Variants in RRP1 observed in about 807,000 individuals in gnomAD.
RRP1 encodes the protein ribosomal RNA processing 1, also known as ribosomal RNA processing protein 1 homolog A.
In RRP1, 37 loss-of-function variants were observed where a neutral mutation model predicts 54.6. That is an observed-to-expected ratio of 0.68 (90% CI 0.52 to 0.89). RRP1 has a LOEUF of 0.89. RRP1 is among the 40% of genes least tolerant of loss of function. The pLI is 0.00. For synonymous variants in RRP1, 262 were observed against 244.3 expected, an observed-to-expected ratio of 1.07 and a Z score of -0.67; for missense variants, 639 against 612.5, an observed-to-expected ratio of 1.04 and a Z score of -0.46.
chr21:43,797,621 T>C lies in RRP1; in HGVS notation c.553-10T>C, dbSNP rs765916480. On this transcript the variant is annotated splice_polypyrimidine_tract_variant and intron_variant, in intron 6 of 12. Transcript: ENST00000497547. ...AGGAGGAACTGAGCTCCCGCTGGCT[T>C]TCCCCGTAGCTTACGGCAGACCAGA... 13 of 1,614,118 alleles carry C rather than the reference T, an allele frequency of 8.1e-6. No individual in the cohort carries two copies. The highest frequency in any genetic ancestry group is 7.6e-6 in the Non-Finnish European group (9 of 1,180,010).
chr21:43,795,378 G>C (rs903961607), intron 5 of RRP1, 128 bp downstream of exon 5: 21 of 859,828 alleles, frequency 2.4e-5, no homozygotes, highest in Middle Eastern at 2.2e-4. Flanking sequence ...ATCGTGCTTA[G>C]AGAGAAGATA....
chr21:43,803,916 A>AGATGGCCCCTAAT lies in RRP1; in HGVS notation c.*147_*148insCCCCTAATGATGG. 9.9e-7 allele frequency: 1 copy of AGATGGCCCCTAAT among 1,013,156 alleles called. No homozygotes were observed. The highest frequency in any genetic ancestry group is 1.4e-6 in the Non-Finnish European group (1 of 715,316). 62.8% of individuals were successfully genotyped at this position (1,013,156 alleles called of 1,614,324 possible). ...GCGGGAGGGAAGGGCGGCACTGGAG[A>AGATGGCCCCTAAT]GATGGGCCCATCATTAGGGGCCAGC... is the stretch of plus-strand genomic sequence containing the variant. On this transcript the variant is annotated 3_prime_UTR_variant, in exon 13 of 13. Coordinates refer to ENST00000497547, the MANE Select transcript of RRP1 (RefSeq NM_003683.6).
chr21:43,803,457 TG>T, intron 12 of RRP1, 54 bp from the exon 13 acceptor site: 1 of 1,485,466 alleles, frequency 6.7e-7, no homozygotes, highest in Non-Finnish European at 9.0e-7. Flanking sequence ...TTGGAGTAAG[TG>T]GAAAGAGCCC....
In RRP1 at chr21:43,803,388, C is replaced by T. The variant is rs1309268925; in HGVS notation, c.1124-124C>T. The T allele has an allele frequency of 9.1e-6, 12 of 1,319,538 alleles. No individual in the cohort carries two copies. The African/African-American group carries it at 1.5e-4, about 16-fold the overall frequency. 81.7% of individuals were successfully genotyped at this position (1,319,538 alleles called of 1,614,324 possible). A position where few individuals can be genotyped will look rare whatever the true frequency, so the allele number is the denominator to read the frequency against. Reference sequence around the variant, plus strand: ...CACACTGGACACGGGATGCGTCTGGCTGGCTGTTGTGGCCGTGTTGTCCTC... The same window carrying T: ...CACACTGGACACGGGATGCGTCTGGTTGGCTGTTGTGGCCGTGTTGTCCTC... On this transcript the variant is annotated intron_variant, in intron 12 of 12. Coordinates refer to ENST00000497547, the MANE Select transcript of RRP1 (RefSeq NM_003683.6).
rs781232930 is a variant in RRP1, at chr21:43,789,598, C to G, written c.-32C>G. 61 of 1,578,200 alleles carry G rather than the reference C, an allele frequency of 3.9e-5. No individual in the cohort carries two copies. The highest frequency in any genetic ancestry group is 4.9e-5 in the Non-Finnish European group (57 of 1,164,392). On this transcript the variant is annotated 5_prime_UTR_variant, in exon 1 of 13. Coordinates refer to ENST00000497547, the MANE Select transcript of RRP1 (RefSeq NM_003683.6). ...GCTCAGTGTGCTGGGTACCAGGCGA[C>G]TCCGGGACAGGGGGTCTCGGCCGTC...
intron 7 of RRP1, 88 bp downstream of exon 7, chr21:43,797,783 G>A: frequency 5.1e-6 from 8 of 1,580,222 alleles, no homozygotes; most frequent in Non-Finnish European, 6.1e-6. Context: ...TCCCTCGAGG[G>A]ATGAATCTGT....
intron 4 of RRP1, among the ~76,000 whole-genome samples, chr21:43,794,822 G>T (rs2084999934): frequency 6.6e-6 from 1 of 152,226 alleles, no homozygotes; most frequent in East Asian, 1.9e-4. Flanking sequence ...CACCGCCCGT[G>T]GGGGTAGCCG....
chr21:43,792,144 G>A (rs1408185019), intron 2 of RRP1, among the ~76,000 whole-genome samples: 1 of 152,182 alleles, frequency 6.6e-6, no homozygotes, highest in African/African-American at 2.4e-5. Flanking sequence ...GGTGGTGAGG[G>A]TACTTAGTTA....
rs115854222 is a variant in RRP1, at chr21:43,796,849, A to G, written c.423-573A>G. 4.7e-3 allele frequency among the ~76,000 whole-genome samples: 717 copies of G among 152,330 alleles called. 4 individuals carry two copies. Among genetic ancestry groups the G allele is most frequent in the African/African-American group, 0.017 (689 of 41,570 alleles). On this transcript the variant is annotated intron_variant, in intron 5 of 12. Coordinates refer to ENST00000497547, the MANE Select transcript of RRP1 (RefSeq NM_003683.6). ...TATTCTCTGGGGCTGTCTAGTCTTC[A>G]GATCCAGGGCCTGTGATGCCATCAA...
At chr21:43,792,849 G>T (rs1361899202) in intron 3 of RRP1, 120 bp downstream of exon 3, 1 of 1,034,176 alleles carries the variant, frequency 9.7e-7, no homozygotes, top group Non-Finnish European at 1.5e-6. Context: ...CTAAGGGCAA[G>T]AGAGCGCCAG....
rs1601866795 is a variant in RRP1, at chr21:43,792,970, A to C, written c.274+241A>C. On this transcript the variant is annotated intron_variant, in intron 3 of 12. Transcript: ENST00000497547. ...CGAGCCTAATGGGCTAATATCTTACACTTTAAAAATAAAGTGAAAAGCCAG... is the reference window on the plus strand; with the variant it reads ...CGAGCCTAATGGGCTAATATCTTACCCTTTAAAAATAAAGTGAAAAGCCAG... 4 of 570,726 alleles carry C rather than the reference A, an allele frequency of 7.0e-6. No individual in the cohort carries two copies. In the East Asian group the frequency reaches 1.2e-4, roughly 17 times the overall value. The allele number at this position is 570,726 out of a possible 1,614,324, so 35.4% of individuals were successfully genotyped here.
intron 2 of RRP1, 73 bp from the exon 3 acceptor site, chr21:43,792,599 G>C (rs945257969): frequency 1.4e-6 from 2 of 1,417,526 alleles, no homozygotes; most frequent in Non-Finnish European, 2.0e-6. Flanking sequence ...GGGTGAGTGG[G>C]TGGTTGCGTG....
intron 8 of RRP1, 108 bp from the exon 9 acceptor site, chr21:43,799,462 G>C: frequency 2.6e-6 from 3 of 1,171,032 alleles, no homozygotes; most frequent in Non-Finnish European, 3.7e-6. Context: ...TTTCCCGCCT[G>C]TGCCCGTGCT....
intron 2 of RRP1, among the ~76,000 whole-genome samples, chr21:43,791,723 C>T (rs1480936793): frequency 2.6e-5 from 4 of 152,050 alleles, no homozygotes; most frequent in Admixed American, 6.6e-5. Context: ...AGGCTGGTCT[C>T]GAACTCCTGA....
Position 43,803,940 on chromosome 21 carries a change from G to A in RRP1, c.*166G>A, listed in dbSNP as rs952213645. Reference sequence around the variant, plus strand: ...GAGATGGGCCCATCATTAGGGGCCAGCATCCCAGGAACTGGACCTTTCCCC... The same window carrying A: ...GAGATGGGCCCATCATTAGGGGCCAACATCCCAGGAACTGGACCTTTCCCC... On this transcript the variant is annotated 3_prime_UTR_variant, in exon 13 of 13. Transcript: ENST00000497547. The A allele has an allele frequency of 3.6e-6, 3 of 838,772 alleles. No individual in the cohort carries two copies. The highest frequency in any genetic ancestry group is 1.8e-6 in the Non-Finnish European group (1 of 563,230). The allele number at this position is 838,772 out of a possible 1,614,324, so 52.0% of individuals were successfully genotyped here.
At chr21:43,802,581 C>G (rs1252719523) in intron 12 of RRP1, 194 bp downstream of exon 12, 4 of 567,086 alleles carry the variant, frequency 7.1e-6, no homozygotes, top group South Asian at 3.8e-5. Context: ...CTGCCTCCCC[C>G]ACCCACCTTC....
At chr21:43,794,312 A>G (rs1484636399) in intron 4 of RRP1, among the ~76,000 whole-genome samples, 1 of 152,156 alleles carries the variant, frequency 6.6e-6, no homozygotes, top group East Asian at 1.9e-4. Context: ...CTCTGCAGGG[A>G]GGCCACCCTA....
chr21:43,794,284 C>G (rs1601867910), intron 4 of RRP1, among the ~76,000 whole-genome samples: 1 of 152,314 alleles, frequency 6.6e-6, no homozygotes, highest in East Asian at 1.9e-4. Context: ...AGAGTGCAGA[C>G]TCTTAGGGAC....
intron 12 of RRP1, 38 bp downstream of exon 12, chr21:43,802,425 C>A: frequency 6.5e-7 from 1 of 1,540,004 alleles, no homozygotes. Flanking sequence ...GAGCCGGCGT[C>A]CTCACCTGCT....
Sources: allele counts gnomAD v4.1 joint callset (sites outside exome capture counted in the v4.1 genomes callset), GRCh38; gene constraint gnomAD v4.1.1; transcripts MANE v1.5; gene names NCBI Gene and HGNC (gene_info 2026-07-23, HGNC 2026-07-21).